Variants in PTPRD observed in about 807,000 individuals in gnomAD.
The protein encoded by PTPRD is protein tyrosine phosphatase receptor type D, also known as receptor-type tyrosine-protein phosphatase delta.
PTPRD carries 34 observed loss-of-function variants against 214.5 expected under a neutral mutation model. The observed-to-expected ratio is 0.16, with a 90% CI of 0.12 to 0.21. The LOEUF (loss-of-function observed/expected upper bound fraction) is 0.21. Among genes scored for constraint, PTPRD ranks in the 10% least tolerant of loss-of-function variants. PTPRD has a pLI of 1.00. For synonymous variants in PTPRD, 1,128 were observed against 845.7 expected (o/e 1.33, Z -5.79); for missense variants, 2,545 against 2,398.7 (o/e 1.06, Z -1.27).
chr9:9,591,006 G>A (rs556444557), intron 7 of PTPRD, among the ~76,000 whole-genome samples: 1 of 152,080 alleles, frequency 6.6e-6, no homozygotes, highest in East Asian at 2.0e-4. Flanking sequence ...TAAGCAGCAC[G>A]ACCCCCTAAA....
intron 7 of PTPRD, among the ~76,000 whole-genome samples, chr9:9,581,308 T>C (rs1351069451): frequency 1.3e-5 from 2 of 152,168 alleles, no homozygotes; most frequent in Admixed American, 1.3e-4. Context: ...ATACATAATA[T>C]TGTTACAAAA....
At chr9:8,575,795 T>A (rs967084893) in intron 14 of PTPRD, among the ~76,000 whole-genome samples, 9 of 152,196 alleles carry the variant, frequency 5.9e-5, no homozygotes, top group Non-Finnish European at 1.5e-5. Context: ...GTAGTGACTC[T>A]AAGTCATAAA....
chr9:8,490,034 A>C (rs2097117861), intron 27 of PTPRD, among the ~76,000 whole-genome samples: 1 of 152,170 alleles, frequency 6.6e-6, no homozygotes, highest in African/African-American at 2.4e-5. Flanking sequence ...CCTTAGGGTT[A>C]TTCTGTAGAC....
At chr9:10,290,152 T>C (rs141446952) in intron 3 of PTPRD, among the ~76,000 whole-genome samples, 6 of 152,224 alleles carry the variant, frequency 3.9e-5, no homozygotes, top group Admixed American at 2.0e-4. Flanking sequence ...TAAATGGTGA[T>C]TGTGAGTGGG....
At chr9:10,424,475 G>T (rs1157407355) in intron 2 of PTPRD, among the ~76,000 whole-genome samples, 5 of 151,876 alleles carry the variant, frequency 3.3e-5, no homozygotes, top group African/African-American at 1.2e-4. Context: ...CATTTGAAAA[G>T]GAGGGATTGA....
intron 44 of PTPRD, among the ~76,000 whole-genome samples, chr9:8,324,224 A>ATATC (rs1452802941): frequency 6.6e-6 from 1 of 151,912 alleles, no homozygotes; most frequent in Non-Finnish European, 1.5e-5. Context: ...TACATTAGGT[A>ATATC]TATCTCCTGA....
intron 8 of PTPRD, among the ~76,000 whole-genome samples, chr9:9,463,714 T>C (rs1402873697): frequency 2.0e-5 from 3 of 152,142 alleles, no homozygotes; most frequent in Admixed American, 6.6e-5. Context: ...ATAGTGGGCA[T>C]TGGGCTTCTA....
chr9:9,688,647 T>C (rs1242586927), intron 7 of PTPRD, among the ~76,000 whole-genome samples: 1 of 151,904 alleles, frequency 6.6e-6, no homozygotes, highest in East Asian at 1.9e-4. Context: ...GAACTGCTGG[T>C]CAACAGGCCA....
At chr9:8,319,331 T>A (rs183412223) in intron 45 of PTPRD, among the ~76,000 whole-genome samples, 1 of 151,964 alleles carries the variant, frequency 6.6e-6, no homozygotes, top group Non-Finnish European at 1.5e-5. Flanking sequence ...ATTATTGGAA[T>A]AGGAAATGAG....
At chr9:10,217,204 G>A (rs2154346181) in intron 3 of PTPRD, among the ~76,000 whole-genome samples, 1 of 151,104 alleles carries the variant, frequency 6.6e-6, no homozygotes, top group East Asian at 2.0e-4. Context: ...ATGTTTAAAT[G>A]ATTTAGATTT....
chr9:8,317,849 A>C lies in PTPRD; in HGVS notation c.*25T>G, dbSNP rs767134950. The stretch of plus-strand genomic sequence containing the variant: ...CATGGATATTGAAGGGCCTGTAGTA[A>C]AAATCCAGAATGGGTCAGGGGTTTC... On this transcript the variant is annotated 3_prime_UTR_variant, in exon 46 of 46. Coordinates refer to ENST00000381196, the MANE Select transcript of PTPRD (RefSeq NM_002839.4). 18 of 1,609,982 alleles carry C rather than the reference A, an allele frequency of 1.1e-5. No individual in the cohort carries two copies. The highest frequency in any genetic ancestry group is 1.5e-5 in the Non-Finnish European group (18 of 1,176,872).
chr9:9,762,427 C>A (rs1409674415), intron 6 of PTPRD, among the ~76,000 whole-genome samples: 1 of 152,142 alleles, frequency 6.6e-6, no homozygotes, highest in Non-Finnish European at 1.5e-5. Flanking sequence ...TTTTCCAAAT[C>A]TTTAGGTTTG....
chr9:8,788,778 C>T (rs373537704), intron 11 of PTPRD, among the ~76,000 whole-genome samples: 7 of 152,046 alleles, frequency 4.6e-5, no homozygotes, highest in East Asian at 3.9e-4. Flanking sequence ...AACCCACTTC[C>T]GAAGAACAGA....
rs185760508 is a variant in PTPRD, at chr9:8,772,474, C to A, written c.-103-38528G>T. Among the ~76,000 whole-genome samples, 3 of 151,970 alleles carry A rather than the reference C, an allele frequency of 2.0e-5. No homozygotes were observed. The East Asian group carries it at 5.8e-4, about 30-fold the overall frequency. On this transcript the variant is annotated intron_variant, in intron 11 of 45. Coordinates refer to ENST00000381196, the MANE Select transcript of PTPRD (RefSeq NM_002839.4). ...GACCAGCCTGGGCAAGATAGTGAGA[C>A]CCCATCTCTACAAAAAATTGAAAAA...
At chr9:10,028,072 G>A (rs1326973674) in intron 4 of PTPRD, among the ~76,000 whole-genome samples, 1 of 152,106 alleles carries the variant, frequency 6.6e-6, no homozygotes, top group Non-Finnish European at 1.5e-5. Flanking sequence ...CTGGTGGGAG[G>A]TAAATGAATC....
chr9:8,359,056 C>T (rs1037329322), intron 39 of PTPRD, among the ~76,000 whole-genome samples: 2 of 116,280 alleles, frequency 1.7e-5, no homozygotes, highest in Admixed American at 1.2e-4. Context: ...TGCAGTGAGC[C>T]GAGATTGCAC....
At chr9:8,546,260 A>G (rs775171801) in intron 14 of PTPRD, among the ~76,000 whole-genome samples, 4 of 152,210 alleles carry the variant, frequency 2.6e-5, no homozygotes, top group Admixed American at 1.3e-4. Flanking sequence ...GCTAGAAACC[A>G]GGACTGTTTT....
At chr9:9,711,388 G>A (rs1191234627) in intron 7 of PTPRD, among the ~76,000 whole-genome samples, 1 of 151,786 alleles carries the variant, frequency 6.6e-6, no homozygotes, top group Non-Finnish European at 1.5e-5. Context: ...GTACTTCGTT[G>A]GTAATATATG....
In PTPRD at chr9:8,486,159, G is replaced by T. The variant is rs1169529550; in HGVS notation, c.2658C>A (p.His886Gln). The part of the protein sequence containing the change: ...KEDHFTATDI[H>Q]KGASYVFRLS... ...GCCTGAAGACGTATGATGCTCCCTT[G>T]TGGATGTCTGTAGCTGTAAAGTGAT... Residue 886 changes from histidine to glutamine, a missense_variant, in exon 28 of 46, where the codon CAC becomes CAA. By Grantham distance (24) the His-to-Gln change is conservative. Transcript: ENST00000381196. 1.2e-6 allele frequency: 2 copies of T among 1,614,162 alleles called. No individual in the cohort carries two copies. The highest frequency in any genetic ancestry group is 3.3e-4 in the Middle Eastern group (2 of 6,062).
Sources: gnomAD v4.1 joint callset for allele counts (sites outside exome capture counted in the v4.1 genomes callset) on GRCh38, gnomAD v4.1.1 for gene constraint, MANE v1.5 for transcripts, NCBI Gene and HGNC (gene_info 2026-07-23, HGNC 2026-07-21) for gene names.